ELFN2: variants seen among roughly 807,000 people sequenced by gnomAD.
The protein encoded by ELFN2 is protein phosphatase 1 regulatory subunit 29.
A neutral mutation model predicts 45.5 loss-of-function variants in ELFN2; 17 were observed. The ratio of observed to expected loss-of-function variants is 0.37; its 90% CI spans 0.26 to 0.56. The LOEUF (loss-of-function observed/expected upper bound fraction) is 0.56. Ranked by LOEUF, ELFN2 falls within the 20% of genes least tolerant of loss-of-function variation. The pLI is 0.77. For missense variants in ELFN2, 922 were observed against 1,183.2 expected (o/e 0.78, Z 3.24); for synonymous variants, 550 against 551.5 (o/e 1.00, Z 0.04).
At position 37,373,675 on chromosome 22, in the gene ELFN2, G is replaced by A. The variant is rs538345336; in HGVS notation, c.1860C>T (p.Ala620=). Residue 620 remains alanine (A), a synonymous_variant, in exon 3 of 3, where the codon GCC becomes GCT. Transcript: ENST00000402918. ...SHHPLQRQLS[A]DAAVTRKTCS... Reference sequence around the variant, plus strand: ...AGGTCTTGCGGGTCACGGCCGCGTCGGCGCTCAGCTGGCGCTGTAGTGGGT... The same window carrying A: ...AGGTCTTGCGGGTCACGGCCGCGTCAGCGCTCAGCTGGCGCTGTAGTGGGT... 167 of 1,569,934 alleles carry A rather than the reference G, an allele frequency of 1.1e-4. 1 individual carries two copies. The highest frequency in any genetic ancestry group is 6.0e-4 in the South Asian group (50 of 83,932).
At chr22:37,424,445 G>A (rs144045091) in intron 1 of ELFN2, among the ~76,000 whole-genome samples, 5 of 152,296 alleles carry the variant, frequency 3.3e-5, no homozygotes, top group Non-Finnish European at 2.9e-5. Context: ...CTTGCTGAGT[G>A]TGCCCGTTCC....
downstream of ELFN2, among the ~76,000 whole-genome samples, chr22:37,365,495 C>CT (rs1258619419): frequency 6.6e-6 from 1 of 152,166 alleles, no homozygotes; most frequent in African/African-American, 2.4e-5. Context: ...AGAAGGAAGC[C>CT]TGCCCGGGCT....
At chr22:37,397,428 C>G (rs1384603875) in intron 2 of ELFN2, among the ~76,000 whole-genome samples, 1 of 152,226 alleles carries the variant, frequency 6.6e-6, no homozygotes, top group Non-Finnish European at 1.5e-5. Context: ...TGACTGATGA[C>G]AGCCAGGCCT....
intron 1 of ELFN2, among the ~76,000 whole-genome samples, chr22:37,357,138 G>A (rs1313887722): frequency 1.3e-5 from 2 of 152,112 alleles, no homozygotes; most frequent in Non-Finnish European, 2.9e-5. Flanking sequence ...AAGGGCTGCT[G>A]GAGCCCCAAC....
chr22:37,408,512 T>C (rs1324155366), intron 2 of ELFN2, among the ~76,000 whole-genome samples: 1 of 152,218 alleles, frequency 6.6e-6, no homozygotes, highest in African/African-American at 2.4e-5. Context: ...CTAGGTGAAG[T>C]CACTTGCTCA....
At chr22:37,357,852 ACT>A (rs1441765267) in intron 1 of ELFN2, among the ~76,000 whole-genome samples, 3 of 151,636 alleles carry the variant, frequency 2.0e-5, no homozygotes, top group African/African-American at 4.9e-5. Flanking sequence ...TTGTTGACAA[ACT>A]CTGTACTGTC....
At chr22:37,405,195 C>A (rs528128341) in intron 2 of ELFN2, among the ~76,000 whole-genome samples, 224 of 150,618 alleles carry the variant, frequency 1.5e-3, no homozygotes, top group Admixed American at 5.1e-3. Context: ...CGGGTTCAAG[C>A]GATTCTTGTG....
At chr22:37,403,351 G>C (rs1331729402) in intron 2 of ELFN2, among the ~76,000 whole-genome samples, 1 of 152,138 alleles carries the variant, frequency 6.6e-6, no homozygotes, top group Non-Finnish European at 1.5e-5. Flanking sequence ...GTCCCCGAGG[G>C]CATCCCTAGG....
intron 1 of ELFN2, among the ~76,000 whole-genome samples, chr22:37,359,345 G>A (rs1341706078): frequency 1.3e-5 from 2 of 149,848 alleles, no homozygotes; most frequent in African/African-American, 2.5e-5. Flanking sequence ...GTCCTTCTTG[G>A]GAGCCTTCCC....
chr22:37,401,004 T>C (rs888754009), intron 2 of ELFN2, among the ~76,000 whole-genome samples: 3 of 152,232 alleles, frequency 2.0e-5, no homozygotes, highest in African/African-American at 7.2e-5. Context: ...TGCAGGGGAC[T>C]GGCAATGACC....
At chr22:37,410,197 A>G (rs530350530) in intron 2 of ELFN2, among the ~76,000 whole-genome samples, 5 of 152,260 alleles carry the variant, frequency 3.3e-5, no homozygotes, top group African/African-American at 9.6e-5. Context: ...ATGGGTGGGC[A>G]GACAGAGACA....
At chr22:37,419,947 G>T (rs1932796524) in intron 1 of ELFN2, among the ~76,000 whole-genome samples, 1 of 152,104 alleles carries the variant, frequency 6.6e-6, no homozygotes, top group Non-Finnish European at 1.5e-5. Flanking sequence ...GTCGCTTTCC[G>T]ATCCCGGGCA....
rs572405078 is a variant in ELFN2, at chr22:37,369,208, A to T, written c.*3864T>A. On this transcript the variant is annotated 3_prime_UTR_variant, in exon 3 of 3. Transcript: ENST00000402918. ...GCACTTCTGTTCACCCCGCTGTTAC[A>T]TTTCCAGGAGGGAGTGGGGCAGGCG... 1 of 151,960 alleles carries T rather than the reference A, an allele frequency of 6.6e-6. No homozygotes were observed. Among genetic ancestry groups the T allele is most frequent in the East Asian group, 1.9e-4 (1 of 5,150 alleles). 9.4% of individuals were successfully genotyped at this position (151,960 alleles called of 1,614,324 possible).
At chr22:37,366,487 C>A (rs908721533), downstream of ELFN2, among the ~76,000 whole-genome samples, 10 of 152,192 alleles carry the variant, frequency 6.6e-5, no homozygotes, top group Admixed American at 2.6e-4. Context: ...TCTTAAGTTT[C>A]CTGAGGAGTA....
At chr22:37,410,482 G>C (rs1042020888) in intron 2 of ELFN2, among the ~76,000 whole-genome samples, 1 of 152,088 alleles carries the variant, frequency 6.6e-6, no homozygotes, top group Non-Finnish European at 1.5e-5. Context: ...CGGGGTCCTG[G>C]TTCCCTGTTG....
intron 2 of ELFN2, among the ~76,000 whole-genome samples, chr22:37,402,363 CA>C (rs1316684365): frequency 3.3e-5 from 5 of 152,198 alleles, no homozygotes; most frequent in African/African-American, 4.8e-5. Context: ...TGATGCCATC[CA>C]AACTGACCGC....
In ELFN2 at chr22:37,406,548, C is replaced by T. The variant is rs139317401; in HGVS notation, c.-463+11221G>A. ...CCCCTGCAGCAAGCACACAGCCACG[C>T]GTGTGCCGCCCCAGCCCCGTGACCC... On this transcript the variant is annotated intron_variant, in intron 2 of 2. Coordinates refer to ENST00000402918, the MANE Select transcript of ELFN2 (RefSeq NM_052906.5). 2.0e-3 allele frequency among the ~76,000 whole-genome samples: 300 copies of T among 152,312 alleles called. 1 individual carries two copies. Among genetic ancestry groups the T allele is most frequent in the African/African-American group, 7.1e-3 (294 of 41,568 alleles).
chr22:37,412,830 C>T (rs943056004), intron 2 of ELFN2, among the ~76,000 whole-genome samples: 2 of 152,182 alleles, frequency 1.3e-5, no homozygotes, highest in African/African-American at 4.8e-5. Context: ...ATTGGGAGCC[C>T]GGCACTCTAA....
chr22:37,395,104 CAAAA>C lies in ELFN2; in HGVS notation c.-462-19112_-462-19109del, dbSNP rs1178410205. ...TGGGTGACAGAGTGAGACTCTGTCT[CAAAA>C]ATAAATAAATAAATAAATAAATAAA... On this transcript the variant is annotated intron_variant, in intron 2 of 2. Transcript: ENST00000402918. Among the ~76,000 whole-genome samples the C allele has an allele frequency of 3.7e-5, 4 of 108,678 alleles. No homozygotes were observed. The East Asian group carries it at 8.7e-4, about 24-fold the overall frequency. 71.3% of individuals were successfully genotyped at this position (108,678 alleles called of 152,430 possible). A position where few individuals can be genotyped will look rare whatever the true frequency, so the allele number is the denominator to read the frequency against.
Sources: gnomAD v4.1 joint callset for allele counts (sites outside exome capture counted in the v4.1 genomes callset) on GRCh38, gnomAD v4.1.1 for gene constraint, MANE v1.5 for transcripts, NCBI Gene and HGNC (gene_info 2026-07-23, HGNC 2026-07-21) for gene names.